The following KAT6A variants were observed in gnomAD, a reference collection of about 807,000 sequenced individuals.
KAT6A encodes the protein histone acetyltransferase KAT6A.
KAT6A carries 9 observed loss-of-function variants against 198.4 expected under a neutral mutation model. The observed-to-expected ratio is 0.05, with a 90% CI of 0.03 to 0.08. KAT6A has a LOEUF of 0.08. Ranked by LOEUF, KAT6A falls within the 10% of genes least tolerant of loss-of-function variation. The pLI is 1.00. For synonymous variants in KAT6A, 890 were observed against 883.0 expected (o/e 1.01, Z -0.14); for missense variants, 2,077 against 2,509.9 (o/e 0.83, Z 3.69).
chr8:41,967,384 G>A (rs1180702807), intron 8 of KAT6A, among the ~76,000 whole-genome samples: 1 of 150,790 alleles, frequency 6.6e-6, no homozygotes, highest in Non-Finnish European at 1.5e-5. Context: ...ACATGCTGGT[G>A]CGCTGCACCC....
At chr8:41,988,627 A>AGG (rs1824750490) in intron 2 of KAT6A, among the ~76,000 whole-genome samples, 2 of 152,236 alleles carry the variant, frequency 1.3e-5, no homozygotes, top group Non-Finnish European at 2.9e-5. Context: ...ACCAAAGCTA[A>AGG]GGAAATGAAA....
At chr8:42,015,722 T>C (rs1259882454) in intron 2 of KAT6A, among the ~76,000 whole-genome samples, 1 of 152,234 alleles carries the variant, frequency 6.6e-6, no homozygotes, top group Non-Finnish European at 1.5e-5. Context: ...AAAAAGCATT[T>C]TGATTTCATA....
chr8:42,009,915 C>CA (rs1216387598), intron 2 of KAT6A, among the ~76,000 whole-genome samples: 19,391 of 109,322 alleles, frequency 0.18, 1,696 homozygotes, highest in Non-Finnish European at 0.24. Flanking sequence ...AAAAAAAAAA[C>CA]AAAAAAAAAC....
At chr8:41,941,550 T>C (rs1047704555) in intron 14 of KAT6A, 106 bp from the exon 15 acceptor site, 2 of 1,186,726 alleles carry the variant, frequency 1.7e-6, no homozygotes, top group African/African-American at 3.1e-5. Context: ...GAAACTGAGC[T>C]TTAAAAAGAA....
chr8:42,032,415 A>G (rs1354946976), intron 2 of KAT6A, among the ~76,000 whole-genome samples: 1 of 152,144 alleles, frequency 6.6e-6, no homozygotes, highest in Non-Finnish European at 1.5e-5. Context: ...ATTACCATCC[A>G]TATAAAGTTT....
At chr8:41,955,094 C>T (rs770112769) in intron 9 of KAT6A, among the ~76,000 whole-genome samples, 3 of 152,014 alleles carry the variant, frequency 2.0e-5, no homozygotes, top group Non-Finnish European at 4.4e-5. Context: ...TAAACATCAG[C>T]GTCTGAGAGG....
intron 2 of KAT6A, among the ~76,000 whole-genome samples, chr8:42,011,648 G>A (rs1443187113): frequency 6.6e-6 from 1 of 152,046 alleles, no homozygotes; most frequent in Admixed American, 6.6e-5. Flanking sequence ...GCTGAGGCAG[G>A]AGAATCGCTT....
rs757733072 is a variant in KAT6A at position 41,931,323 on chromosome 8, TCTC to T, written c.*879_*881del. On this transcript the variant is annotated 3_prime_UTR_variant, in exon 17 of 17. Transcript: ENST00000265713. The stretch of plus-strand genomic sequence containing the variant: ...AGGTGGTAAAAAAACAAGAGGTTAA[TCTC>T]CTCTTTTTGATTGTTAATTGACCAT... The T allele has an allele frequency of 9.2e-6, 2 of 218,548 alleles. No individual in the cohort carries two copies. Among genetic ancestry groups the T allele is most frequent in the Non-Finnish European group, 1.8e-5 (2 of 108,624 alleles). 13.5% of individuals were successfully genotyped at this position (218,548 alleles called of 1,614,324 possible). A position where few individuals can be genotyped will look rare whatever the true frequency, so the allele number is the denominator to read the frequency against.
intron 9 of KAT6A, among the ~76,000 whole-genome samples, chr8:41,954,941 A>C (rs1234491667): frequency 6.6e-6 from 1 of 152,170 alleles, no homozygotes; most frequent in Non-Finnish European, 1.5e-5. Context: ...AAGACTAATC[A>C]ACTGAAACTT....
Position 41,934,326 on chromosome 8 carries a change from T to A in KAT6A, c.3894A>T (p.Pro1298=). The change falls in exon 17 of 17, where the codon CCA becomes CCT. Residue 1298 remains proline (P), a synonymous_variant. Transcript: ENST00000265713. ...EEQQELEEPE[P]EEEEDAAAET... ...CTGCAGCTGCATCTTCCTCCTCCTC[T>A]GGCTCTGGCTCCTCTAATTCCTGCT... 6.2e-7 allele frequency: 1 copy of A among 1,614,006 alleles called. No homozygotes were observed.
In KAT6A at chr8:41,933,262, G is replaced by A; in HGVS notation, c.4958C>T (p.Pro1653Leu). 6.4e-7 allele frequency: 1 copy of A among 1,554,152 alleles called. No homozygotes were observed. The highest frequency in any genetic ancestry group is 2.3e-5 in the East Asian group (1 of 42,998). ...PPSNQQQQPP[P>L]PPPQQPQPPP... ...CGGCTGTGGCTGCTGTGGAGGCGGT[G>A]GTGGCGGCTGCTGCTGCTGGTTACT... is the stretch of plus-strand genomic sequence containing the variant. Residue 1653 changes from proline (P) to leucine (L), a missense_variant, in exon 17 of 17, where the codon CCA becomes CTA. By Grantham distance (98) the Pro-to-Leu change is moderately conservative (BLOSUM62 -3). Coordinates refer to ENST00000265713, the MANE Select transcript of KAT6A (RefSeq NM_006766.5). The surrounding 1 kb of genome is among the most constrained non-coding windows in gnomAD (Gnocchi z 6.2).
At chr8:41,982,450 A>AT (rs1824407581) in intron 3 of KAT6A, among the ~76,000 whole-genome samples, 1 of 152,134 alleles carries the variant, frequency 6.6e-6, no homozygotes, top group Non-Finnish European at 1.5e-5. Context: ...TACTTTTGTA[A>AT]TTTAAAAAAT....
chr8:41,977,165 G>C lies in KAT6A; in HGVS notation c.1206C>G (p.Phe402Leu). Residue 402 changes from phenylalanine (F) to leucine (L), a missense_variant, in exon 7 of 17, where the codon TTC becomes TTG. This residue lies in a region of KAT6A where 206 missense variants were observed against 214.9 expected (regional missense o/e 0.96). Coordinates refer to ENST00000265713, the MANE Select transcript of KAT6A (RefSeq NM_006766.5). ...CAATGAGCCCTTTGGTTTTCTTGTT[G>C]AACTTCAAGGAGACATTGCTATCTC... ...FCRDSNVSLK[F>L]NKKTKGLIDG... The C allele has an allele frequency of 6.2e-7, 1 of 1,614,088 alleles. No homozygotes were observed. Among genetic ancestry groups the C allele is most frequent in the Non-Finnish European group, 8.5e-7 (1 of 1,180,008 alleles).
At chr8:41,978,219 A>G (rs1243444727) in intron 6 of KAT6A, among the ~76,000 whole-genome samples, 1 of 152,202 alleles carries the variant, frequency 6.6e-6, no homozygotes, top group East Asian at 1.9e-4. Flanking sequence ...GATATTAACA[A>G]CTGAGACAAG....
intron 15 of KAT6A, among the ~76,000 whole-genome samples, chr8:41,938,464 C>G (rs1307230512): frequency 6.6e-6 from 1 of 152,142 alleles, no homozygotes; most frequent in Non-Finnish European, 1.5e-5. Flanking sequence ...CTACTTCAAA[C>G]TTAATAGTCC....
chr8:41,987,069 T>A (rs970960711), intron 3 of KAT6A, among the ~76,000 whole-genome samples: 1 of 152,080 alleles, frequency 6.6e-6, no homozygotes, highest in Non-Finnish European at 1.5e-5. Flanking sequence ...AGACCACATA[T>A]GACTGTAGCC....
intron 2 of KAT6A, among the ~76,000 whole-genome samples, 168 bp from the exon 3 acceptor site, chr8:41,987,731 T>C (rs1438141177): frequency 6.6e-6 from 1 of 152,248 alleles, no homozygotes; most frequent in Non-Finnish European, 1.5e-5. Context: ...CTGCTCTGGC[T>C]GGGCCTTTAC....
chr8:41,988,223 A>C (rs748545861), intron 2 of KAT6A, among the ~76,000 whole-genome samples: 3 of 152,222 alleles, frequency 2.0e-5, no homozygotes, highest in Non-Finnish European at 4.4e-5. Flanking sequence ...TATAAGTAGC[A>C]TAGACTTAGG....
At position 41,934,179 on chromosome 8, in the gene KAT6A, A is replaced by G; in HGVS notation, c.4041T>C (p.Val1347=). Residue 1347 remains valine, a synonymous_variant, in exon 17 of 17, where the codon GTT becomes GTC. Transcript: ENST00000265713. ...TATTAGCATCTAAAAAAGACTCTTG[A>G]ACACCAGGCTCCTCCTTGACATCTT... ...TREDVKEEPG[V]QESFLDANMQ... is the part of the protein sequence containing the mutation. The G allele has an allele frequency of 6.2e-7, 1 of 1,614,112 alleles. No individual in the cohort carries two copies. The highest frequency in any genetic ancestry group is 8.5e-7 in the Non-Finnish European group (1 of 1,180,020).
Sources: gnomAD v4.1 joint callset for allele counts (sites outside exome capture counted in the v4.1 genomes callset) on GRCh38, gnomAD v4.1.1 for gene constraint, gnomAD v4.1.1 regional missense constraint, Gnocchi (gnomAD v3.1) non-coding constraint, MANE v1.5 for transcripts, NCBI Gene and HGNC (gene_info 2026-07-23, HGNC 2026-07-21) for gene names.